Variants in CCSER1 observed in about 807,000 individuals in gnomAD.
CCSER1 encodes coiled-coil serine rich protein 1.
In CCSER1, 41 loss-of-function variants were observed where a neutral mutation model predicts 82.0. That is an observed-to-expected ratio of 0.50 (90% CI 0.39 to 0.65). The LOEUF is 0.65. Ranked by LOEUF, CCSER1 falls within the 30% of genes least tolerant of loss-of-function variation. The probability of loss-of-function intolerance (pLI) is 0.00; values close to 1 mark genes in which losing one functional copy is unlikely to be tolerated. For missense variants in CCSER1, 1,119 were observed against 1,064.2 expected, an observed-to-expected ratio of 1.05 and a Z score of -0.72; for synonymous variants, 414 against 383.9, an observed-to-expected ratio of 1.08 and a Z score of -0.92.
At chr4:90,455,519 G>A (rs1762051446) in intron 4 of CCSER1, among the ~76,000 whole-genome samples, 1 of 152,148 alleles carries the variant, frequency 6.6e-6, no homozygotes, top group African/African-American at 2.4e-5. Context: ...TACCCATCAG[G>A]AAAGAGGGGT....
chr4:90,177,384 T>C (rs774894730), intron 1 of CCSER1, among the ~76,000 whole-genome samples: 1 of 152,108 alleles, frequency 6.6e-6, no homozygotes, highest in Admixed American at 6.6e-5. Flanking sequence ...TTAGACACTT[T>C]AAGCGGTTTT....
intron 1 of CCSER1, among the ~76,000 whole-genome samples, chr4:90,299,769 G>A (rs1732738143): frequency 6.6e-6 from 1 of 152,112 alleles, no homozygotes; most frequent in African/African-American, 2.4e-5. Context: ...GAAAGAGCCT[G>A]GACTGCAAGA....
At chr4:91,521,204 G>A (rs1024360876) in intron 10 of CCSER1, among the ~76,000 whole-genome samples, 1 of 152,178 alleles carries the variant, frequency 6.6e-6, no homozygotes, top group African/African-American at 2.4e-5. Context: ...TCCCTGCAAA[G>A]GACATGAACT....
intron 3 of CCSER1, among the ~76,000 whole-genome samples, chr4:90,332,950 C>T (rs1407082088): frequency 1.3e-5 from 2 of 152,162 alleles, no homozygotes; most frequent in Non-Finnish European, 2.9e-5. Flanking sequence ...GTTGTTATGT[C>T]TCTTTTCTCT....
At chr4:91,438,318 G>C (rs903591676) in intron 10 of CCSER1, among the ~76,000 whole-genome samples, 2 of 152,168 alleles carry the variant, frequency 1.3e-5, no homozygotes, top group African/African-American at 4.8e-5. Flanking sequence ...CAGCATTCGC[G>C]GTTCATGAAA....
intron 9 of CCSER1, among the ~76,000 whole-genome samples, chr4:91,065,993 ACATT>A (rs1192434791): frequency 3.3e-5 from 5 of 152,152 alleles, no homozygotes; most frequent in African/African-American, 9.6e-5. Flanking sequence ...ACTTTATCAA[ACATT>A]CATCCATTTA....
At chr4:91,205,302 T>C (rs1026539781) in intron 10 of CCSER1, among the ~76,000 whole-genome samples, 2 of 151,788 alleles carry the variant, frequency 1.3e-5, no homozygotes, top group Admixed American at 6.6e-5. Flanking sequence ...AACACACACA[T>C]TGTTTCAGGA....
intron 10 of CCSER1, among the ~76,000 whole-genome samples, chr4:91,184,373 AAC>A (rs1734330314): frequency 6.6e-6 from 1 of 152,246 alleles, no homozygotes; most frequent in African/African-American, 2.4e-5. Context: ...GTAGTAAAGA[AAC>A]AGTCTTTTAA....
intron 1 of CCSER1, among the ~76,000 whole-genome samples, chr4:90,144,654 TG>T (rs1725466222): frequency 1.3e-5 from 2 of 152,210 alleles, no homozygotes; most frequent in Non-Finnish European, 2.9e-5. Flanking sequence ...CTAGATTACC[TG>T]GACTATTTAA....
chr4:91,560,821 G>A (rs1246695285), intron 10 of CCSER1, among the ~76,000 whole-genome samples: 3 of 151,042 alleles, frequency 2.0e-5, no homozygotes, highest in African/African-American at 7.3e-5. Flanking sequence ...ATTACTTCAC[G>A]TGATACCTAA....
intron 1 of CCSER1, among the ~76,000 whole-genome samples, chr4:90,196,269 A>G (rs1472569491): frequency 6.6e-6 from 1 of 152,100 alleles, no homozygotes; most frequent in South Asian, 2.1e-4. Flanking sequence ...GTGAGAAAAA[A>G]TTAGCTATTT....
intron 5 of CCSER1, among the ~76,000 whole-genome samples, chr4:90,597,313 A>G (rs918094354): frequency 5.9e-5 from 9 of 152,116 alleles, no homozygotes; most frequent in East Asian, 1.9e-4. Flanking sequence ...TGAGTTCCCA[A>G]CTGAACATGT....
chr4:91,471,408 C>T (rs1757266304), intron 10 of CCSER1, among the ~76,000 whole-genome samples: 1 of 151,422 alleles, frequency 6.6e-6, no homozygotes, highest in Non-Finnish European at 1.5e-5. Context: ...AACAGTCAGA[C>T]CTACACCTAG....
chr4:91,379,495 C>T (rs1750702708), intron 10 of CCSER1, among the ~76,000 whole-genome samples: 1 of 152,074 alleles, frequency 6.6e-6, no homozygotes, highest in Admixed American at 6.6e-5. Flanking sequence ...GTGTATGTGT[C>T]CAGGAGTTTA....
chr4:90,250,412 A>G (rs576057993), intron 1 of CCSER1, among the ~76,000 whole-genome samples: 1 of 152,162 alleles, frequency 6.6e-6, no homozygotes, highest in African/African-American at 2.4e-5. Context: ...AGAGTGCAGG[A>G]AAAGAAGTTA....
chr4:90,861,420 A>C (rs1055735642), intron 8 of CCSER1, among the ~76,000 whole-genome samples: 1 of 151,790 alleles, frequency 6.6e-6, no homozygotes, highest in South Asian at 2.1e-4. Context: ...ATAAACATGC[A>C]GCTATAGGAT....
At chr4:90,148,741 A>G (rs969448597) in intron 1 of CCSER1, among the ~76,000 whole-genome samples, 3 of 152,176 alleles carry the variant, frequency 2.0e-5, no homozygotes, top group Admixed American at 6.5e-5. Flanking sequence ...TGTTTTACCT[A>G]TGATGTCACT....
chr4:91,572,851 G>A (rs1255090749), intron 10 of CCSER1, among the ~76,000 whole-genome samples: 1 of 151,328 alleles, frequency 6.6e-6, no homozygotes, highest in Non-Finnish European at 1.5e-5. Flanking sequence ...TTTCTTGGTA[G>A]AGCAGCTGTG....
At chr4:91,395,990 T>C (rs1427741642) in intron 10 of CCSER1, among the ~76,000 whole-genome samples, 1 of 152,106 alleles carries the variant, frequency 6.6e-6, no homozygotes, top group Non-Finnish European at 1.5e-5. Flanking sequence ...GCTCCTGCCA[T>C]GATGCCTGCC....
Sources: allele counts gnomAD v4.1 joint callset (sites outside exome capture counted in the v4.1 genomes callset), GRCh38; gene constraint gnomAD v4.1.1; transcripts MANE v1.5; gene names NCBI Gene and HGNC (gene_info 2026-07-23, HGNC 2026-07-21).